The following PITPNM3 variants were observed in gnomAD, a reference collection of about 807,000 sequenced individuals.
PITPNM3 encodes PITPNM family member 3.
Under a neutral mutation model 102.0 loss-of-function variants are expected in PITPNM3, and 26 were observed. The observed-to-expected ratio is 0.25, with a 90% CI of 0.19 to 0.35. PITPNM3 has a LOEUF of 0.35. Among genes scored for constraint, PITPNM3 ranks in the 10% least tolerant of loss-of-function variants. The probability of loss-of-function intolerance (pLI) is 1.00; values close to 1 mark genes in which losing one functional copy is unlikely to be tolerated. For synonymous variants in PITPNM3, 578 were observed against 558.6 expected, an observed-to-expected ratio of 1.03 and a Z score of -0.49; for missense variants, 1,083 against 1,346.1, an observed-to-expected ratio of 0.80 and a Z score of 3.06.
At chr17:6,539,955 G>A (rs189448827) in intron 1 of PITPNM3, among the ~76,000 whole-genome samples, 54 of 152,300 alleles carry the variant, frequency 3.5e-4, no homozygotes, top group African/African-American at 1.3e-3. Context: ...GGATCCATTT[G>A]GCTCCTGAGT....
chr17:6,525,206 T>G, intron 3 of PITPNM3, 150 bp downstream of exon 3: 1 of 741,658 alleles, frequency 1.3e-6, no homozygotes, highest in South Asian at 1.5e-5. Context: ...TTCCTGTAAG[T>G]GGCAAAATTC....
intron 3 of PITPNM3, among the ~76,000 whole-genome samples, chr17:6,521,570 A>G (rs1908520424): frequency 6.6e-6 from 1 of 151,924 alleles, no homozygotes; most frequent in Non-Finnish European, 1.5e-5. Flanking sequence ...AGTAATAACA[A>G]CACGCTTCTG....
intron 4 of PITPNM3, among the ~76,000 whole-genome samples, chr17:6,498,370 A>G (rs1567844): frequency 0.24 from 36,220 of 152,274 alleles, 4,431 homozygotes; most frequent in South Asian, 0.31. Context: ...GAGAGCTGAC[A>G]GGAAGAGGGG....
intron 14 of PITPNM3, among the ~76,000 whole-genome samples, chr17:6,466,832 C>T (rs1162096349): frequency 6.6e-6 from 1 of 151,598 alleles, no homozygotes; most frequent in Non-Finnish European, 1.5e-5. Flanking sequence ...TCATAGTAGC[C>T]GAAAGGTGAA....
chr17:6,472,620 C>A lies in PITPNM3; in HGVS notation c.1429+37G>T. 6.3e-7 allele frequency: 1 copy of A among 1,597,732 alleles called. No individual in the cohort carries two copies. Among genetic ancestry groups the A allele is most frequent in the Non-Finnish European group, 8.5e-7 (1 of 1,173,112 alleles). On this transcript the variant is annotated intron_variant, in intron 11 of 19. Coordinates refer to ENST00000262483, the MANE Select transcript of PITPNM3 (RefSeq NM_031220.4). This position sits in a 1 kb window ranked among gnomAD's most constrained non-coding sequence, Gnocchi z 4.1. ...GTTGAATGGGCTGGGGCCCCACCTC[C>A]AGCTCAGCACACTCTCTCCCACCCC...
chr17:6,489,981 C>A (rs1439172219), intron 4 of PITPNM3, among the ~76,000 whole-genome samples: 1 of 151,262 alleles, frequency 6.6e-6, no homozygotes, highest in Admixed American at 6.6e-5. Flanking sequence ...TCCAGCCTGG[C>A]GACAGACAGA....
rs1212250037 is a variant in PITPNM3 at position 6,461,372 on chromosome 17, C to T, written c.2490+1G>A. 1 of 1,613,880 alleles carries T rather than the reference C, an allele frequency of 6.2e-7. No homozygotes were observed. Among genetic ancestry groups the T allele is most frequent in the African/African-American group, 1.3e-5 (1 of 74,944 alleles). On this transcript the variant is annotated splice_donor_variant, in intron 18 of 19. Transcript: ENST00000262483. LOFTEE classifies it high-confidence loss of function. ...GTCCCCACCCCAGGATGGCCACTCA[C>T]CTCCTGCATGAGGTTGCGCAGGAAG...
intron 3 of PITPNM3, among the ~76,000 whole-genome samples, chr17:6,509,064 G>A (rs1424709638): frequency 6.6e-6 from 1 of 152,184 alleles, no homozygotes; most frequent in South Asian, 2.1e-4. Flanking sequence ...AGAAACTCCT[G>A]CAGACAGGAT....
chr17:6,481,782 AATGGATGGACAG>A (rs1905692049), intron 6 of PITPNM3: 1 of 149,172 alleles, frequency 6.7e-6, no homozygotes, highest in Non-Finnish European at 1.5e-5. Flanking sequence ...ATAGATAGAT[AATGGATGGACAG>A]ATGGATGGAT....
chr17:6,478,673 G>A lies in PITPNM3; in HGVS notation c.651C>T (p.Ala217=), dbSNP rs773305845. The change falls in exon 7 of 20, where the codon GCC becomes GCT. Residue 217 remains alanine (A), a synonymous_variant. Transcript: ENST00000262483. This position sits in a 1 kb window ranked among gnomAD's most constrained non-coding sequence, Gnocchi z 4.4. ...AGGAGATGGCCAACAGGGGAAGGGC[G>A]GCCAGAGGGACGTGGTCCTGGCTGC... ...LSSSQDHVPL[A]ALPLLAISSP... is the part of the protein sequence containing the mutation. 18 of 1,611,832 alleles carry A rather than the reference G, an allele frequency of 1.1e-5. No homozygotes were observed. The highest frequency in any genetic ancestry group is 2.2e-5 in the East Asian group (1 of 44,816).
intron 14 of PITPNM3, among the ~76,000 whole-genome samples, chr17:6,465,298 G>A (rs1240860988): frequency 6.6e-6 from 1 of 152,068 alleles, no homozygotes; most frequent in African/African-American, 2.4e-5. Flanking sequence ...TGCCTACCTC[G>A]GACTCCCAAA....
chr17:6,521,922 T>G (rs2150637849), intron 3 of PITPNM3, among the ~76,000 whole-genome samples: 1 of 152,286 alleles, frequency 6.6e-6, no homozygotes, highest in South Asian at 2.1e-4. Context: ...CATTCCATCC[T>G]TACAGGAACT....
intron 2 of PITPNM3, among the ~76,000 whole-genome samples, chr17:6,526,980 T>C (rs1042834845): frequency 4.6e-5 from 7 of 152,226 alleles, no homozygotes; most frequent in African/African-American, 1.7e-4. Context: ...GTGTGTTCCA[T>C]CTGGGAACTG....
At chr17:6,525,285 C>T (rs1908759022) in intron 3 of PITPNM3, 71 bp downstream of exon 3, 5 of 1,372,692 alleles carry the variant, frequency 3.6e-6, no homozygotes, top group Non-Finnish European at 5.2e-6. Flanking sequence ...CAGCCCCAGT[C>T]ACCAGCCCTA....
chr17:6,554,825 G>GGAGA (rs958614487), intron 1 of PITPNM3, among the ~76,000 whole-genome samples: 9 of 152,192 alleles, frequency 5.9e-5, no homozygotes, highest in African/African-American at 2.2e-4. Flanking sequence ...TTTAAAAGTG[G>GGAGA]GAGAGTCGCA....
At chr17:6,490,370 C>T (rs556748934) in intron 4 of PITPNM3, among the ~76,000 whole-genome samples, 5 of 152,204 alleles carry the variant, frequency 3.3e-5, no homozygotes, top group African/African-American at 4.8e-5. Context: ...CTACATTCCC[C>T]GGTAAGAGTC....
chr17:6,523,040 A>G (rs916138810), intron 3 of PITPNM3, among the ~76,000 whole-genome samples: 6 of 152,110 alleles, frequency 3.9e-5, no homozygotes, highest in African/African-American at 1.2e-4. Flanking sequence ...ACTTGGAAGG[A>G]GCTGGAAATC....
Position 6,453,354 on chromosome 17 carries a change from G to A in PITPNM3, c.*1984C>T, listed in dbSNP as rs774973073. The stretch of plus-strand genomic sequence containing the variant: ...TCAGGATATTTGGGGGAAGGATTAG[G>A]GTTGGGGTGGCTATGCCATATGAGC... On this transcript the variant is annotated 3_prime_UTR_variant, in exon 20 of 20. Transcript: ENST00000262483. 6.6e-6 allele frequency: 1 copy of A among 152,316 alleles called. No homozygotes were observed. Among genetic ancestry groups the A allele is most frequent in the South Asian group, 2.1e-4 (1 of 4,830 alleles). The allele number at this position is 152,316 out of a possible 1,614,324, so 9.4% of individuals were successfully genotyped here.
At chr17:6,466,671 G>GA (rs571255140) in intron 14 of PITPNM3, among the ~76,000 whole-genome samples, 204 of 152,298 alleles carry the variant, frequency 1.3e-3, no homozygotes, top group African/African-American at 4.6e-3. Flanking sequence ...AGTCACTGTG[G>GA]AAAACAGTCT....
Sources: gnomAD v4.1 joint callset for allele counts (sites outside exome capture counted in the v4.1 genomes callset) on GRCh38, gnomAD v4.1.1 for gene constraint, Gnocchi (gnomAD v3.1) non-coding constraint, MANE v1.5 for transcripts, NCBI Gene and HGNC (gene_info 2026-07-23, HGNC 2026-07-21) for gene names.